Variants in ATP11A observed in about 807,000 individuals in gnomAD.
ATP11A encodes the protein phospholipid-transporting ATPase IH.
Under a neutral mutation model 154.4 loss-of-function variants are expected in ATP11A, and 81 were observed. The observed-to-expected ratio is 0.52, with a 90% CI of 0.44 to 0.63. The LOEUF (loss-of-function observed/expected upper bound fraction) is 0.63, where lower values mean the gene tolerates loss of function less well. Among genes scored for constraint, ATP11A ranks in the 30% least tolerant of loss-of-function variants. The pLI is 0.00. For synonymous variants in ATP11A, 623 were observed against 585.9 expected (o/e 1.06, Z -0.91); for missense variants, 1,316 against 1,474.3 (o/e 0.89, Z 1.76).
intron 15 of ATP11A, among the ~76,000 whole-genome samples, chr13:112,835,773 T>C (rs1218265394): frequency 2.0e-5 from 3 of 152,242 alleles, no homozygotes; most frequent in Non-Finnish European, 4.4e-5. Context: ...CTTTTTCCTT[T>C]GGTTTTGATC....
At chr13:112,852,497 G>A (rs747303932) in intron 18 of ATP11A, among the ~76,000 whole-genome samples, 1 of 152,228 alleles carries the variant, frequency 6.6e-6, no homozygotes, top group East Asian at 1.9e-4. Context: ...CGACTTGCAC[G>A]TGGGAAGGCT....
chr13:112,811,700 G>T (rs2078506268), intron 5 of ATP11A: 1 of 152,136 alleles, frequency 6.6e-6, no homozygotes, highest in Admixed American at 6.6e-5. Flanking sequence ...CCGCCCCCGG[G>T]TTCAAGTGAT....
At chr13:112,836,315 C>A in intron 16 of ATP11A, 64 bp downstream of exon 16, 1 of 961,388 alleles carries the variant, frequency 1.0e-6, no homozygotes, top group Non-Finnish European at 1.6e-6. Context: ...ATTCTGATGA[C>A]TAAATTCTAC....
intron 1 of ATP11A, among the ~76,000 whole-genome samples, chr13:112,765,164 G>A (rs370280770): frequency 4.4e-4 from 48 of 107,890 alleles, no homozygotes; most frequent in African/African-American, 1.4e-3. Context: ...CCCCCGCCCC[G>A]GCTCTGGAAG....
Position 112,882,106 on chromosome 13 carries a change from C to T in ATP11A, c.*240C>T, listed in dbSNP as rs750134334. On this transcript the variant is annotated 3_prime_UTR_variant, in exon 30 of 30. Coordinates refer to ENST00000375645, the MANE Select transcript of ATP11A (RefSeq NM_015205.3). This position sits in a 1 kb window ranked among gnomAD's most constrained non-coding sequence, Gnocchi z 5.1. ...TGTGGAGACTGTGCACGTGCCTCTTCCTGGCCCCCAGCAGGCAAGGAGGGG... is the reference window on the plus strand; with the variant it reads ...TGTGGAGACTGTGCACGTGCCTCTTTCTGGCCCCCAGCAGGCAAGGAGGGG... The T allele has an allele frequency of 1.5e-6, 2 of 1,347,914 alleles. No individual in the cohort carries two copies. The highest frequency in any genetic ancestry group is 4.6e-5 in the East Asian group (1 of 21,624). 83.5% of individuals were successfully genotyped at this position (1,347,914 alleles called of 1,614,324 possible).
chr13:112,743,746 A>G (rs890233012), intron 1 of ATP11A, among the ~76,000 whole-genome samples: 1 of 152,258 alleles, frequency 6.6e-6, no homozygotes, highest in African/African-American at 2.4e-5. Context: ...GTAACACAGT[A>G]AGCTTAAGGT....
rs146089495 is a variant in ATP11A, at chr13:112,851,151, T to C, written c.1924T>C (p.Leu642=). 1.2e-6 allele frequency: 2 copies of C among 1,614,234 alleles called. No homozygotes were observed. Among genetic ancestry groups the C allele is most frequent in the African/African-American group, 2.7e-5 (2 of 75,070 alleles). Residue 642 remains leucine, a synonymous_variant, in exon 18 of 30, where the codon TTA becomes CTA. Transcript: ENST00000375645. ...GGCCCTTCAAGATCGAGAGAAAAAG[T>C]TAGCAGAAGCCTATGAGCAAATAGA... ...KVALQDREKK[L]AEAYEQIEKD...
chr13:112,743,259 T>C (rs1318420252), intron 1 of ATP11A, among the ~76,000 whole-genome samples: 2 of 152,192 alleles, frequency 1.3e-5, no homozygotes, highest in Non-Finnish European at 2.9e-5. Context: ...TTCAATAGCA[T>C]TGCTGGAAAA....
intron 1 of ATP11A, among the ~76,000 whole-genome samples, chr13:112,780,234 C>G (rs745806139): frequency 6.6e-6 from 1 of 152,084 alleles, no homozygotes; most frequent in African/African-American, 2.4e-5. Context: ...GGAAAATATT[C>G]AAAGTCGTGC....
At chr13:112,704,316 C>A (rs187731196) in intron 1 of ATP11A, among the ~76,000 whole-genome samples, 1 of 152,326 alleles carries the variant, frequency 6.6e-6, no homozygotes, top group Non-Finnish European at 1.5e-5. Flanking sequence ...TGCTCTCAGT[C>A]GGTAGTTAGG....
At chr13:112,879,070 G>T (rs1427135637) in intron 29 of ATP11A, among the ~76,000 whole-genome samples, 1 of 152,210 alleles carries the variant, frequency 6.6e-6, no homozygotes, top group African/African-American at 2.4e-5. Context: ...GAGATTGCAG[G>T]GGCCTGCACG....
At chr13:112,828,836 G>A (rs531549817) in intron 12 of ATP11A, among the ~76,000 whole-genome samples, 21 of 152,318 alleles carry the variant, frequency 1.4e-4, no homozygotes, top group African/African-American at 4.8e-4. Flanking sequence ...TCATCTGACC[G>A]CAGCTCTGTG....
At chr13:112,759,586 G>C (rs1183446679) in intron 1 of ATP11A, among the ~76,000 whole-genome samples, 5 of 152,162 alleles carry the variant, frequency 3.3e-5, no homozygotes, top group African/African-American at 1.2e-4. Context: ...ACTGTGAAGG[G>C]CTCAGCAAAT....
chr13:112,815,917 C>G (rs1274688363), intron 5 of ATP11A, among the ~76,000 whole-genome samples, 166 bp from the exon 6 acceptor site: 4 of 152,280 alleles, frequency 2.6e-5, no homozygotes, highest in Middle Eastern at 3.4e-3. Context: ...CTGGTCTTTC[C>G]TTGGTCCCAG....
chr13:112,712,398 G>A lies in ATP11A; in HGVS notation c.39+21943G>A, dbSNP rs1887862693. ...TGGTGTCATTTAAATGGCCCTCAAAGCCCTACCTGGATGTCTTCATTGTGC... is the reference window on the plus strand; with the variant it reads ...TGGTGTCATTTAAATGGCCCTCAAAACCCTACCTGGATGTCTTCATTGTGC... On this transcript the variant is annotated intron_variant, in intron 1 of 29. Coordinates refer to ENST00000375645, the MANE Select transcript of ATP11A (RefSeq NM_015205.3). Among the ~76,000 whole-genome samples the A allele has an allele frequency of 2.0e-5, 3 of 152,142 alleles. No homozygotes were observed. The South Asian group carries it at 6.2e-4, about 32-fold the overall frequency.
intron 1 of ATP11A, among the ~76,000 whole-genome samples, chr13:112,758,866 C>T (rs2076904047): frequency 6.6e-6 from 1 of 152,214 alleles, no homozygotes; most frequent in South Asian, 2.1e-4. Flanking sequence ...GTGTGCTCTT[C>T]ATAAATGCAA....
Position 112,875,969 on chromosome 13 carries a change from G to A in ATP11A, c.3327+28G>A. On this transcript the variant is annotated intron_variant, in intron 28 of 29. Coordinates refer to ENST00000375645, the MANE Select transcript of ATP11A (RefSeq NM_015205.3). The surrounding 1 kb of genome is among the most constrained non-coding windows in gnomAD (Gnocchi z 4.1). ...ACGGAGTGTCCCCAGCCGGGGCGGGGGTGCCTCAGGGCCCTGGCCTTAGGA... is the reference window on the plus strand; with the variant it reads ...ACGGAGTGTCCCCAGCCGGGGCGGGAGTGCCTCAGGGCCCTGGCCTTAGGA... 1.3e-6 allele frequency: 2 copies of A among 1,594,806 alleles called. No individual in the cohort carries two copies. The highest frequency in any genetic ancestry group is 1.7e-6 in the Non-Finnish European group (2 of 1,173,022).
At chr13:112,787,395 C>CG (rs2077669547) in intron 2 of ATP11A, among the ~76,000 whole-genome samples, 81 of 128,610 alleles carry the variant, frequency 6.3e-4, no homozygotes, top group African/African-American at 9.4e-4. Context: ...TAATCCACAC[C>CG]AGTGTCCTAA....
At chr13:112,709,744 C>G (rs1887529201) in intron 1 of ATP11A, among the ~76,000 whole-genome samples, 1 of 152,262 alleles carries the variant, frequency 6.6e-6, no homozygotes, top group South Asian at 2.1e-4. Flanking sequence ...TCATGCCTCC[C>G]TAAAATGTAT....
Sources: allele counts gnomAD v4.1 joint callset (sites outside exome capture counted in the v4.1 genomes callset), GRCh38; gene constraint gnomAD v4.1.1; non-coding constraint Gnocchi (gnomAD v3.1); transcripts MANE v1.5; gene names NCBI Gene and HGNC (gene_info 2026-07-23, HGNC 2026-07-21).